Variants in GRIK2 observed in about 807,000 individuals in gnomAD.
GRIK2 encodes the protein glutamate receptor ionotropic, kainate 2.
GRIK2 carries 32 observed loss-of-function variants against 100.3 expected under a neutral mutation model. That is an observed-to-expected ratio of 0.32 (90% CI 0.24 to 0.43). The LOEUF is 0.43. Among genes scored for constraint, GRIK2 ranks in the 20% least tolerant of loss-of-function variants. GRIK2 has a pLI of 1.00. For synonymous variants in GRIK2, 417 were observed against 389.4 expected, an observed-to-expected ratio of 1.07 and a Z score of -0.83; for missense variants, 843 against 1,114.9, an observed-to-expected ratio of 0.76 and a Z score of 3.47.
intron 7 of GRIK2, among the ~76,000 whole-genome samples, chr6:101,726,801 A>G (rs1774902172): frequency 6.6e-6 from 1 of 152,070 alleles, no homozygotes; most frequent in African/African-American, 2.4e-5. Flanking sequence ...ATGCAAAAGA[A>G]TAAGTTTATG....
intron 14 of GRIK2, among the ~76,000 whole-genome samples, chr6:101,954,343 G>A (rs1314294103): frequency 2.0e-5 from 3 of 151,988 alleles, no homozygotes; most frequent in Non-Finnish European, 4.4e-5. Flanking sequence ...TTTGATCCAT[G>A]CACTTGAGAT....
chr6:101,914,669 G>A (rs532985696), intron 12 of GRIK2, among the ~76,000 whole-genome samples: 2 of 151,416 alleles, frequency 1.3e-5, no homozygotes, highest in South Asian at 2.1e-4. Context: ...AAACCTTTTG[G>A]CATAGTGCTA....
At chr6:101,924,450 C>G in intron 12 of GRIK2, 151 bp from the exon 13 acceptor site, 1 of 590,572 alleles carries the variant, frequency 1.7e-6, no homozygotes, top group Non-Finnish European at 3.1e-6. Context: ...CGAACACTTG[C>G]AGGCACGTAT....
chr6:101,932,174 GT>G (rs1199261174), intron 14 of GRIK2, among the ~76,000 whole-genome samples: 4 of 151,914 alleles, frequency 2.6e-5, no homozygotes, highest in African/African-American at 4.8e-5. Flanking sequence ...AAGTTTTCCA[GT>G]TTTTAGAAAT....
chr6:101,707,811 C>A (rs1417312906), intron 7 of GRIK2, among the ~76,000 whole-genome samples: 1 of 151,378 alleles, frequency 6.6e-6, no homozygotes, highest in Non-Finnish European at 1.5e-5. Context: ...ATTGCAAGAT[C>A]TCTCAGTAGT....
chr6:101,986,780 G>A (rs1794037148), intron 14 of GRIK2, among the ~76,000 whole-genome samples: 2 of 151,796 alleles, frequency 1.3e-5, no homozygotes, highest in South Asian at 4.1e-4. Context: ...CTCACTGGTT[G>A]ACTAAGTGAA....
intron 14 of GRIK2, chr6:101,993,830 A>G (rs1311732024): frequency 6.8e-6 from 1 of 148,038 alleles, no homozygotes; most frequent in East Asian, 2.0e-4. Flanking sequence ...ATAAATATAT[A>G]TGTTCTACTA....
Position 101,909,418 on chromosome 6 carries a change from G to T in GRIK2, c.1749-15183G>T, listed in dbSNP as rs186319792. Among the ~76,000 whole-genome samples, 36 of 131,054 alleles carry T rather than the reference G, an allele frequency of 2.7e-4. 1 individual carries two copies. In the East Asian group the frequency reaches 8.1e-3, roughly 30 times the overall value. The allele number at this position is 131,054 out of a possible 152,430, so 86.0% of individuals were successfully genotyped here. A position where few individuals can be genotyped will look rare whatever the true frequency, so the allele number is the denominator to read the frequency against. ...TTTTAAAGATCATTTGGGATTTAGGGAAAAAAGTGTCTACTGCTATAAGAA... is the reference window on the plus strand; with the variant it reads ...TTTTAAAGATCATTTGGGATTTAGGTAAAAAAGTGTCTACTGCTATAAGAA... On this transcript the variant is annotated intron_variant, in intron 12 of 16. Transcript: ENST00000369134.
At chr6:101,563,948 A>G (rs1034901225) in intron 2 of GRIK2, among the ~76,000 whole-genome samples, 3 of 152,150 alleles carry the variant, frequency 2.0e-5, no homozygotes, top group East Asian at 1.9e-4. Context: ...TTAATAGAAG[A>G]GATGTAATAT....
At chr6:101,603,432 A>T (rs1230113361) in intron 2 of GRIK2, among the ~76,000 whole-genome samples, 2 of 151,668 alleles carry the variant, frequency 1.3e-5, no homozygotes, top group African/African-American at 4.8e-5. Flanking sequence ...GAAAGCAAGA[A>T]TTTTGGTTGG....
At position 101,729,871 on chromosome 6, in the gene GRIK2, A is replaced by C. The variant is rs1775138461; in HGVS notation, c.951+43518A>C. Among the ~76,000 whole-genome samples, 2 of 151,966 alleles carry C rather than the reference A, an allele frequency of 1.3e-5. 1 individual carries two copies. The highest frequency in any genetic ancestry group is 4.1e-4 in the South Asian group (2 of 4,834). On this transcript the variant is annotated intron_variant, in intron 7 of 16. Coordinates refer to ENST00000369134, the MANE Select transcript of GRIK2 (RefSeq NM_021956.5). ...CTTTTTAAGCATTACTTTTAACAAT[A>C]TTTTTAAAAATAGTCAAAAACCACA...
intron 15 of GRIK2, among the ~76,000 whole-genome samples, chr6:102,038,610 TTTACTTAC>T (rs143631871): frequency 5.3e-5 from 8 of 151,360 alleles, no homozygotes; most frequent in Non-Finnish European, 1.0e-4. Flanking sequence ...TGTTAATATA[TTTACTTAC>T]TTACTTACTT....
intron 14 of GRIK2, among the ~76,000 whole-genome samples, chr6:101,995,972 T>G (rs1794629592): frequency 6.6e-6 from 1 of 152,128 alleles, no homozygotes; most frequent in Non-Finnish European, 1.5e-5. Context: ...TGAAGATATT[T>G]CAAGGAGAAT....
chr6:101,778,008 T>C (rs1778857321), intron 7 of GRIK2, among the ~76,000 whole-genome samples: 1 of 152,208 alleles, frequency 6.6e-6, no homozygotes, highest in South Asian at 2.1e-4. Flanking sequence ...ACCTATTTCT[T>C]TTATTGTTTA....
chr6:101,689,541 A>G (rs1003637595), intron 7 of GRIK2, among the ~76,000 whole-genome samples: 3 of 152,146 alleles, frequency 2.0e-5, no homozygotes, highest in African/African-American at 7.2e-5. Context: ...TTCGCTTGCC[A>G]TTGTAGTTTC....
At chr6:101,768,593 G>C (rs1778184856) in intron 7 of GRIK2, among the ~76,000 whole-genome samples, 1 of 152,132 alleles carries the variant, frequency 6.6e-6, no homozygotes, top group Non-Finnish European at 1.5e-5. Flanking sequence ...GTTTCATAAT[G>C]CACATTGTAT....
intron 7 of GRIK2, among the ~76,000 whole-genome samples, chr6:101,797,080 T>C (rs1217705948): frequency 1.3e-5 from 2 of 152,096 alleles, no homozygotes; most frequent in African/African-American, 4.8e-5. Context: ...TATATGTCAG[T>C]AAGTCATGAA....
intron 2 of GRIK2, among the ~76,000 whole-genome samples, chr6:101,464,735 T>A (rs959008857): frequency 3.3e-5 from 5 of 151,840 alleles, no homozygotes; most frequent in African/African-American, 1.2e-4. Flanking sequence ...TTAGCCAGGA[T>A]GGCCTCAATC....
intron 15 of GRIK2, among the ~76,000 whole-genome samples, chr6:102,035,817 C>T (rs1174699535): frequency 6.6e-6 from 1 of 151,346 alleles, no homozygotes; most frequent in African/African-American, 2.4e-5. Context: ...TGTTGAAAAA[C>T]ACACAGTATA....
Sources: gnomAD v4.1 joint callset for allele counts (sites outside exome capture counted in the v4.1 genomes callset) on GRCh38, gnomAD v4.1.1 for gene constraint, MANE v1.5 for transcripts, NCBI Gene and HGNC (gene_info 2026-07-23, HGNC 2026-07-21) for gene names.